The following MSN variants were observed in gnomAD, a reference collection of about 807,000 sequenced individuals.
The protein encoded by MSN is epididymis luminal protein 70.
Under a neutral mutation model 48.0 loss-of-function variants are expected in MSN, and 2 were observed. That is an observed-to-expected ratio of 0.04 (90% CI 0.02 to 0.13). MSN has a LOEUF of 0.13. Among genes scored for constraint, MSN ranks in the 10% least tolerant of loss-of-function variants. The pLI is 1.00. For missense variants in MSN, 267 were observed against 470.1 expected (o/e 0.57, Z 3.99); for synonymous variants, 146 against 166.9 (o/e 0.87, Z 0.97).
intron 1 of MSN, among the ~76,000 whole-genome samples, chrX:65,698,701 T>A (rs1186068690): frequency 8.9e-6 from 1 of 112,044 alleles, no homozygotes; most frequent in Non-Finnish European, 1.9e-5. Context: ...ACCCACCCAG[T>A]GCTTGAGGAA....
At chrX:65,698,078 G>A (rs1422271563) in intron 1 of MSN, among the ~76,000 whole-genome samples, 2 of 111,894 alleles carry the variant, frequency 1.8e-5, no homozygotes, top group Non-Finnish European at 3.8e-5. Flanking sequence ...CAGGATGTGG[G>A]GAGGGCTGGG....
At chrX:65,717,008 A>G (rs2071473516) in intron 2 of MSN, 107 bp downstream of exon 2, 5 of 691,163 alleles carry the variant, frequency 7.2e-6, no homozygotes, top group Non-Finnish European at 1.1e-5. Context: ...CTTCCTGTTC[A>G]CTCCAAGATA....
intron 1 of MSN, among the ~76,000 whole-genome samples, chrX:65,633,839 A>G (rs2070577821): frequency 8.9e-6 from 1 of 112,089 alleles, no homozygotes; most frequent in Admixed American, 9.5e-5. Flanking sequence ...TGAGAACCCT[A>G]ACATGATGGA....
intron 1 of MSN, among the ~76,000 whole-genome samples, chrX:65,657,537 A>G: frequency 8.9e-6 from 1 of 111,742 alleles, no homozygotes; most frequent in South Asian, 3.8e-4. Flanking sequence ...CTTAAATTAA[A>G]TTGATATTGG....
At position 65,612,564 on chromosome X, in the gene MSN, T is replaced by C. The variant is rs930771388; in HGVS notation, c.-22+23952T>C. ...TGTTTCTTCGTAATGGTTTTTTTTT[T>C]TTGTTTATTTTTGTGAAGCAGGGTC... is the stretch of plus-strand genomic sequence containing the variant. On this transcript the variant is annotated intron_variant, in intron 1 of 3. Transcript: ENST00000609672. 3.6e-5 allele frequency among the ~76,000 whole-genome samples: 4 copies of C among 109,645 alleles called. 1 individual carries two copies. In the Admixed American group the frequency reaches 3.9e-4, roughly 11 times the overall value.
chrX:65,592,445 C>A (rs1177886102), intron 1 of MSN, among the ~76,000 whole-genome samples: 8 of 108,957 alleles, frequency 7.3e-5, no homozygotes, highest in Non-Finnish European at 1.5e-4. Context: ...CTGCCCACCT[C>A]GGCCTTCCAA....
chrX:65,739,155 T>A lies in MSN; in HGVS notation c.1530T>A (p.Thr510=), dbSNP rs768974496. The stretch of plus-strand genomic sequence containing the variant: ...ACCGCAGTGAGGAGGAACGTACCAC[T>A]GAGGCAGAGAAGAATGAGCGTGTGC... The part of the protein sequence containing the change: ...AKDRSEEERT[T]EAEKNERVQK... The change falls in exon 12 of 13, where the codon ACT becomes ACA. Residue 510 remains threonine (T), a synonymous_variant. Transcript: ENST00000360270. The A allele has an allele frequency of 8.3e-7, 1 of 1,211,389 alleles. No individual in the cohort carries two copies. The highest frequency in any genetic ancestry group is 1.1e-6 in the Non-Finnish European group (1 of 895,237).
At chrX:65,686,379 G>C (rs2071115239) in intron 1 of MSN, among the ~76,000 whole-genome samples, 1 of 112,319 alleles carries the variant, frequency 8.9e-6, no homozygotes, top group Non-Finnish European at 1.9e-5. Context: ...TGGAACCTCT[G>C]CTACCAGAGG....
At chrX:65,599,025 G>T (rs1161720544) in intron 1 of MSN, among the ~76,000 whole-genome samples, 2 of 111,443 alleles carry the variant, frequency 1.8e-5, no homozygotes, top group African/African-American at 6.5e-5. Context: ...GCTGGCTCAC[G>T]CCGGTAATCC....
chrX:65,684,812 C>T (rs1261224267), intron 1 of MSN, among the ~76,000 whole-genome samples: 3 of 112,764 alleles, frequency 2.7e-5, no homozygotes, highest in Non-Finnish European at 5.6e-5. Flanking sequence ...GATCATAGCA[C>T]ACTGTAACCT....
At chrX:65,717,845 G>C (rs1298403850) in intron 2 of MSN, among the ~76,000 whole-genome samples, 1 of 111,616 alleles carries the variant, frequency 9.0e-6, no homozygotes, top group African/African-American at 3.3e-5. Context: ...CTTGCTCTCT[G>C]TGTCCTTCTA....
At chrX:65,640,640 C>A (rs766174701) in intron 1 of MSN, among the ~76,000 whole-genome samples, 1 of 111,687 alleles carries the variant, frequency 9.0e-6, no homozygotes, top group African/African-American at 3.3e-5. Context: ...ATCAGAACAG[C>A]ATACTCCGTG....
chrX:65,690,695 C>T (rs1453588437), intron 1 of MSN, among the ~76,000 whole-genome samples: 1 of 111,676 alleles, frequency 9.0e-6, no homozygotes, highest in Non-Finnish European at 1.9e-5. Context: ...GTGTCCAAGA[C>T]GTGTGTCTTG....
At chrX:65,600,662 A>T (rs2148350827) in intron 1 of MSN, 1 of 111,824 alleles carries the variant, frequency 8.9e-6, no homozygotes, top group Admixed American at 9.5e-5. Flanking sequence ...CTCTATGCAG[A>T]TCTACACAGC....
intron 1 of MSN, among the ~76,000 whole-genome samples, chrX:65,603,703 A>T (rs1263077250): frequency 8.9e-6 from 1 of 112,567 alleles, no homozygotes; most frequent in Non-Finnish European, 1.9e-5. Flanking sequence ...GAAGAATAAG[A>T]GCCATATCTA....
At chrX:65,739,694 G>C in intron 12 of MSN, 35 bp from the exon 13 acceptor site, 1 of 1,172,180 alleles carries the variant, frequency 8.5e-7, no homozygotes, top group Non-Finnish European at 1.1e-6. Context: ...ATGAGAGAAA[G>C]CCATTGACCT....
chrX:65,660,558 T>G (rs1343944166), intron 1 of MSN, among the ~76,000 whole-genome samples: 1 of 109,439 alleles, frequency 9.1e-6, no homozygotes, highest in Non-Finnish European at 1.9e-5. Context: ...ATCCTTGTCT[T>G]GTTCCAGTTC....
At chrX:65,677,046 T>C (rs1199111624) in intron 1 of MSN, among the ~76,000 whole-genome samples, 1 of 111,344 alleles carries the variant, frequency 9.0e-6, no homozygotes, top group Non-Finnish European at 1.9e-5. Flanking sequence ...CAGGCTGGTC[T>C]TGAACTCCTG....
chrX:65,694,192 G>A (rs1602807173), intron 1 of MSN, among the ~76,000 whole-genome samples: 1 of 111,762 alleles, frequency 8.9e-6, no homozygotes, highest in Non-Finnish European at 1.9e-5. Context: ...TATTGAAAGT[G>A]CTTGATAAAT....
Sources: allele counts gnomAD v4.1 joint callset (sites outside exome capture counted in the v4.1 genomes callset), GRCh38; gene constraint gnomAD v4.1.1; transcripts MANE v1.5; gene names NCBI Gene and HGNC (gene_info 2026-07-23, HGNC 2026-07-21).